SCIMP: variants seen among roughly 807,000 people sequenced by gnomAD.
SCIMP encodes the protein SLP adapter and CSK-interacting membrane protein.
Under a neutral mutation model 22.0 loss-of-function variants are expected in SCIMP, and 18 were observed. The ratio of observed to expected loss-of-function variants is 0.82; its 90% CI spans 0.56 to 1.21. The LOEUF (loss-of-function observed/expected upper bound fraction) is 1.21, where lower values mean the gene tolerates loss of function less well. SCIMP is among the 50% of genes most tolerant of loss of function. The pLI is 0.00. For missense variants in SCIMP, 155 were observed against 171.2 expected (o/e 0.91, Z 0.53); for synonymous variants, 53 against 62.2 (o/e 0.85, Z 0.70).
intron 3 of SCIMP, among the ~76,000 whole-genome samples, chr17:5,215,773 A>G (rs763733635): frequency 3.3e-5 from 5 of 152,160 alleles, no homozygotes; most frequent in Non-Finnish European, 7.3e-5. Context: ...GAGCAACACT[A>G]TTCATAACAG....
chr17:5,221,206 G>A, intron 3 of SCIMP, 81 bp downstream of exon 3: 1 of 994,762 alleles, frequency 1.0e-6, no homozygotes, highest in Non-Finnish European at 1.6e-6. Flanking sequence ...CAGTCATACT[G>A]GTACGGTAGT....
At chr17:5,220,157 AG>A (rs1414406268) in intron 3 of SCIMP, among the ~76,000 whole-genome samples, 2 of 152,314 alleles carry the variant, frequency 1.3e-5, no homozygotes, top group East Asian at 3.9e-4. Context: ...ACAAAAGTAA[AG>A]TGGATGGCAT....
At chr17:5,227,440 T>C (rs528190251) in intron 1 of SCIMP, among the ~76,000 whole-genome samples, 115 of 152,186 alleles carry the variant, frequency 7.6e-4, no homozygotes, top group Non-Finnish European at 1.4e-3. Flanking sequence ...GGTCTTGAAC[T>C]CCTAATCTCA....
At chr17:5,229,271 G>A (rs2074675064) in intron 1 of SCIMP, among the ~76,000 whole-genome samples, 1 of 152,038 alleles carries the variant, frequency 6.6e-6, no homozygotes, top group Non-Finnish European at 1.5e-5. Context: ...GCAACTGAAG[G>A]CAGTCAACAC....
At chr17:5,231,625 TC>T (rs1243219078) in intron 1 of SCIMP, among the ~76,000 whole-genome samples, 1 of 152,106 alleles carries the variant, frequency 6.6e-6, no homozygotes, top group Non-Finnish European at 1.5e-5. Context: ...CCAATCACCT[TC>T]CCCACACCTT....
intron 4 of SCIMP, chr17:5,213,739 T>G (rs2074544192): frequency 6.6e-6 from 1 of 152,050 alleles, no homozygotes; most frequent in South Asian, 2.1e-4. Flanking sequence ...TCCCAGTTAC[T>G]CAGGAGGCTG....
intron 3 of SCIMP, among the ~76,000 whole-genome samples, chr17:5,217,874 C>T (rs966300272): frequency 3.3e-5 from 5 of 151,948 alleles, no homozygotes; most frequent in Non-Finnish European, 7.4e-5. Context: ...TATAAACATA[C>T]GTGTGCCTGT....
chr17:5,225,938 C>T (rs536884185), intron 1 of SCIMP, among the ~76,000 whole-genome samples: 12 of 152,150 alleles, frequency 7.9e-5, no homozygotes, highest in African/African-American at 2.6e-4. Flanking sequence ...ATAGTGCTGG[C>T]ATTGAATTGG....
chr17:5,232,064 A>AC lies in SCIMP; in HGVS notation c.21+2670_21+2671insG, dbSNP rs562168317. ...GAGCGAGACTCCGTCTCAAAAACAA[A>AC]AAAAAAAAACTGGTCACCTCAGTGA... On this transcript the variant is annotated intron_variant, in intron 1 of 4. Coordinates refer to ENST00000574081, the MANE Select transcript of SCIMP (RefSeq NM_207103.3). Among the ~76,000 whole-genome samples the AC allele has an allele frequency of 9.1e-4, 138 of 151,856 alleles. 1 individual carries two copies. The highest frequency in any genetic ancestry group is 1.5e-3 in the Non-Finnish European group (100 of 67,916).
At chr17:5,222,911 C>T (rs924906070) in intron 2 of SCIMP, among the ~76,000 whole-genome samples, 5 of 152,108 alleles carry the variant, frequency 3.3e-5, no homozygotes, top group African/African-American at 7.2e-5. Context: ...AGGATCCCAC[C>T]ACCTGGGCTT....
At position 5,234,744 on chromosome 17, in the gene SCIMP, G is replaced by T. The variant is rs377245436; in HGVS notation, c.12C>A (p.Phe4Leu). The T allele has an allele frequency of 1.8e-5, 29 of 1,611,842 alleles. No individual in the cohort carries two copies. In the African/African-American group the frequency reaches 3.5e-4, roughly 19 times the overall value. MDT[F>L]TVQDSTAMSW... ...AAGCTGAGATGCTTACCTGAACTGT[G>T]AAAGTATCCATATGTGAGCAGCTAA... Residue 4 changes from phenylalanine to leucine, a missense_variant, in exon 1 of 5, where the codon TTC (phenylalanine) becomes TTA (leucine). Transcript: ENST00000574081.
chr17:5,231,948 C>T (rs991330995), intron 1 of SCIMP, among the ~76,000 whole-genome samples: 10 of 151,894 alleles, frequency 6.6e-5, no homozygotes, highest in Non-Finnish European at 8.8e-5. Context: ...CCCAGCTACT[C>T]GGGAGGCTGA....
chr17:5,217,408 GTGTT>G (rs1295073357), intron 3 of SCIMP, among the ~76,000 whole-genome samples: 1 of 151,388 alleles, frequency 6.6e-6, no homozygotes, highest in Non-Finnish European at 1.5e-5. Context: ...GTGTGTGTGT[GTGTT>G]TGTTTTATTA....
At chr17:5,233,605 T>A (rs1403071341) in intron 1 of SCIMP, among the ~76,000 whole-genome samples, 7 of 151,982 alleles carry the variant, frequency 4.6e-5, no homozygotes, top group Non-Finnish European at 2.9e-5. Flanking sequence ...TCTCTTGACC[T>A]TGTGATCTGC....
At chr17:5,212,016 C>G (rs2074529282) in intron 4 of SCIMP, among the ~76,000 whole-genome samples, 1 of 151,718 alleles carries the variant, frequency 6.6e-6, no homozygotes, top group African/African-American at 2.4e-5. Context: ...CCATTGCACT[C>G]TAGCCTGGGC....
intron 4 of SCIMP, among the ~76,000 whole-genome samples, 194 bp from the exon 5 acceptor site, chr17:5,211,149 A>G (rs762602006): frequency 6.6e-6 from 1 of 152,218 alleles, no homozygotes; most frequent in Non-Finnish European, 1.5e-5. Flanking sequence ...ACTGGAAAAT[A>G]TTAGTCAGAC....
chr17:5,212,543 A>G (rs2144302669), intron 4 of SCIMP, among the ~76,000 whole-genome samples: 1 of 152,332 alleles, frequency 6.6e-6, no homozygotes, highest in East Asian at 1.9e-4. Flanking sequence ...CTGAGGCAGG[A>G]CAATGGCATG....
chr17:5,221,264 CG>C (rs1567840582), intron 3 of SCIMP, 22 bp downstream of exon 3: 1 of 1,581,130 alleles, frequency 6.3e-7, no homozygotes, highest in Admixed American at 1.7e-5. Flanking sequence ...CAGTAAAAAG[CG>C]GAAGGATTCC....
At chr17:5,226,707 C>T (rs945558510) in intron 1 of SCIMP, among the ~76,000 whole-genome samples, 2 of 151,752 alleles carry the variant, frequency 1.3e-5, no homozygotes, top group African/African-American at 2.4e-5. Flanking sequence ...TGGGGTTTCA[C>T]CATGTTGGCC....
Sources: gnomAD v4.1 joint callset for allele counts (sites outside exome capture counted in the v4.1 genomes callset) on GRCh38, gnomAD v4.1.1 for gene constraint, MANE v1.5 for transcripts, NCBI Gene and HGNC (gene_info 2026-07-23, HGNC 2026-07-21) for gene names.